Variants in WDR88 observed in about 807,000 individuals in gnomAD.
WDR88 encodes the protein WD repeat domain 88, also known as WD repeat-containing protein 88.
In WDR88, 40 loss-of-function variants were observed where a neutral mutation model predicts 46.8. The observed-to-expected ratio is 0.86, with a 90% CI of 0.66 to 1.11. The LOEUF (loss-of-function observed/expected upper bound fraction) is 1.11. Among genes scored for constraint, WDR88 ranks in the 50% most tolerant of loss-of-function variants. The pLI, the probability that WDR88 is intolerant of heterozygous loss-of-function variation, is 0.00. For synonymous variants in WDR88, 235 were observed against 240.7 expected (o/e 0.98, Z 0.22); for missense variants, 562 against 602.4 (o/e 0.93, Z 0.70).
In WDR88 at chr19:33,164,179, AATTTG is replaced by A. The variant is rs751540282; in HGVS notation, c.1081-15_1081-11del. The A allele has an allele frequency of 6.2e-7, 1 of 1,610,786 alleles. No individual in the cohort carries two copies. The highest frequency in any genetic ancestry group is 1.7e-5 in the Admixed American group (1 of 59,968). On this transcript the variant is annotated splice_polypyrimidine_tract_variant and intron_variant, in intron 8 of 10. Coordinates refer to ENST00000355868, the MANE Select transcript of WDR88 (RefSeq NM_173479.4). Reference sequence around the variant, plus strand: ...ATTATTTTCTCCACGTTTTCATTAAAATTTGATATTTCTTCAGGGCCATAATGACT... The same window carrying A: ...ATTATTTTCTCCACGTTTTCATTAAAATATTTCTTCAGGGCCATAATGACT...
chr19:33,148,687 C>A lies in WDR88; in HGVS notation c.541-85C>A. 3.2e-6 allele frequency: 5 copies of A among 1,550,340 alleles called. No homozygotes were observed. In the Admixed American group the frequency reaches 5.2e-5, roughly 16 times the overall value. On this transcript the variant is annotated intron_variant, in intron 4 of 10. Transcript: ENST00000355868. ...CTCCTGGTCTCAAGCGATCCTCCAG[C>A]CTTGGCCTCCCAAAGCACTGGGTTT... is the stretch of plus-strand genomic sequence containing the variant.
chr19:33,152,791 G>C (rs1177575438), intron 6 of WDR88, among the ~76,000 whole-genome samples: 1 of 151,908 alleles, frequency 6.6e-6, no homozygotes, highest in Non-Finnish European at 1.5e-5. Flanking sequence ...TAGTAGAGAC[G>C]GGGTTTCATC....
Position 33,132,437 on chromosome 19 carries a change from CT to C in WDR88, c.269del (p.Leu90ProfsTer9), listed in dbSNP as rs771552091. On this transcript the variant is annotated frameshift_variant, in exon 1 of 11. Transcript: ENST00000355868. LOFTEE classifies it high-confidence loss of function. The stretch of plus-strand genomic sequence containing the variant: ...ATTGATCTGGGGCGACCAGGACCCT[CT>C]CTCCAAGGTCAGAACCGCCGCTGGG... ...EKLIWGDQDP[L>X]SKIPFKILSG... is the part of the protein sequence containing the mutation. 6.8e-5 allele frequency: 109 copies of C among 1,613,716 alleles called. No individual in the cohort carries two copies. The highest frequency in any genetic ancestry group is 8.9e-5 in the Non-Finnish European group (105 of 1,179,906).
At chr19:33,164,386 G>A (rs762785405) in intron 9 of WDR88, 121 bp downstream of exon 9, 13 of 863,450 alleles carry the variant, frequency 1.5e-5, no homozygotes, top group South Asian at 2.9e-5. Flanking sequence ...CCGGGCCATC[G>A]TGTTCACGGA....
chr19:33,172,369 A>C lies in WDR88; in HGVS notation c.1171A>C (p.Asn391His). 2.5e-6 allele frequency: 4 copies of C among 1,613,922 alleles called. No individual in the cohort carries two copies. Among genetic ancestry groups the C allele is most frequent in the Non-Finnish European group, 3.4e-6 (4 of 1,179,954 alleles). ...ASKDRTMRLW[N>H]IEEIDEIPLV... The stretch of plus-strand genomic sequence containing the variant: ...TTAGGATAGGACCATGAGACTGTGG[A>C]ATATTGAAGAAATTGATGAAATTCC... Residue 391 changes from asparagine (N) to histidine (H), a missense_variant, in exon 10 of 11, where the codon AAT (asparagine) becomes CAT (histidine). Coordinates refer to ENST00000355868, the MANE Select transcript of WDR88 (RefSeq NM_173479.4).
At chr19:33,153,947 G>A (rs925703953) in intron 6 of WDR88, among the ~76,000 whole-genome samples, 1 of 150,366 alleles carries the variant, frequency 6.7e-6, no homozygotes, top group African/African-American at 2.5e-5. Flanking sequence ...GATTTATCCT[G>A]TTGGGTTTTA....
chr19:33,160,660 G>A (rs1206494807), intron 8 of WDR88, among the ~76,000 whole-genome samples, 164 bp downstream of exon 8: 1 of 152,222 alleles, frequency 6.6e-6, no homozygotes, highest in African/African-American at 2.4e-5. Context: ...CACCGACTGT[G>A]AGGAGTGAAA....
intron 6 of WDR88, among the ~76,000 whole-genome samples, chr19:33,151,754 C>A (rs529464267): frequency 2.0e-5 from 3 of 152,196 alleles, no homozygotes; most frequent in South Asian, 4.1e-4. Context: ...GTGTCACACA[C>A]CTGTAGTCCC....
At chr19:33,142,310 G>C (rs1395119651) in intron 2 of WDR88, among the ~76,000 whole-genome samples, 3 of 151,984 alleles carry the variant, frequency 2.0e-5, no homozygotes, top group Admixed American at 6.6e-5. Flanking sequence ...GAGAGGTGGC[G>C]ATTTATGGGA....
At chr19:33,145,045 C>A in intron 3 of WDR88, 113 bp downstream of exon 3, 2 of 1,000,770 alleles carry the variant, frequency 2.0e-6, no homozygotes, top group Admixed American at 2.0e-5. Flanking sequence ...TGGGGTCTCA[C>A]CATGTGGCCT....
intron 1 of WDR88, among the ~76,000 whole-genome samples, chr19:33,136,680 A>G (rs1348186237): frequency 6.6e-6 from 1 of 151,798 alleles, no homozygotes; most frequent in Non-Finnish European, 1.5e-5. Flanking sequence ...CTCATGACTC[A>G]GCCTCCTGAG....
intron 10 of WDR88, chr19:33,174,913 T>C (rs969779672): frequency 1.0e-6 from 1 of 985,340 alleles, no homozygotes; most frequent in Non-Finnish European, 1.2e-6. Flanking sequence ...TCATTCTCTC[T>C]GCAATTTCCG....
chr19:33,134,840 A>ACCCCCCCCCCCCCCCCCCCCCC (rs766617576), intron 1 of WDR88, among the ~76,000 whole-genome samples: 6 of 62,404 alleles, frequency 9.6e-5, no homozygotes, highest in Admixed American at 1.8e-4. Flanking sequence ...CGTCCCCGAC[A>ACCCCCCCCCCCCCCCCCCCCCC]CCCCCCCCCC....
intron 7 of WDR88, among the ~76,000 whole-genome samples, chr19:33,160,081 T>A (rs977326639): frequency 1.3e-5 from 2 of 152,122 alleles, no homozygotes; most frequent in African/African-American, 4.8e-5. Context: ...CAGGTGGTAA[T>A]ACGAGCGATG....
chr19:33,142,954 C>T (rs1245448366), intron 2 of WDR88, among the ~76,000 whole-genome samples: 4 of 150,860 alleles, frequency 2.7e-5, no homozygotes, highest in Non-Finnish European at 4.4e-5. Context: ...GTTACCATCC[C>T]ATCCCCTGGG....
intron 2 of WDR88, among the ~76,000 whole-genome samples, chr19:33,144,638 G>C (rs1405485898): frequency 6.6e-6 from 1 of 152,230 alleles, no homozygotes; most frequent in Non-Finnish European, 1.5e-5. Flanking sequence ...TGGATGCCAG[G>C]AATGGCAAGG....
chr19:33,146,747 A>G (rs1013373545), intron 3 of WDR88, among the ~76,000 whole-genome samples: 2 of 151,954 alleles, frequency 1.3e-5, no homozygotes, highest in Non-Finnish European at 2.9e-5. Context: ...TGAACTCCTG[A>G]CCTCAGGTGT....
At chr19:33,143,095 C>T (rs778176030) in intron 2 of WDR88, among the ~76,000 whole-genome samples, 7 of 151,514 alleles carry the variant, frequency 4.6e-5, no homozygotes, top group Non-Finnish European at 5.9e-5. Context: ...TTTGGGAGGC[C>T]GAGGTGAGAG....
rs764019263 is a variant in WDR88, at chr19:33,172,353, G to A, written c.1155G>A (p.Arg385=). 7 of 1,613,522 alleles carry A rather than the reference G, an allele frequency of 4.3e-6. No individual in the cohort carries two copies. The highest frequency in any genetic ancestry group is 3.3e-5 in the South Asian group (3 of 91,006). Residue 385 remains arginine, a synonymous_variant, in exon 10 of 11, where the codon AGG becomes AGA. Coordinates refer to ENST00000355868, the MANE Select transcript of WDR88 (RefSeq NM_173479.4). ...TGGTTTGCTATTTGTTTTAGGATAG[G>A]ACCATGAGACTGTGGAATATTGAAG... ...KKWILSASKD[R]TMRLWNIEEI... is the part of the protein sequence containing the mutation.
Sources: allele counts gnomAD v4.1 joint callset (sites outside exome capture counted in the v4.1 genomes callset), GRCh38; gene constraint gnomAD v4.1.1; transcripts MANE v1.5; gene names NCBI Gene and HGNC (gene_info 2026-07-23, HGNC 2026-07-21).